Variants in PTPRT observed in about 807,000 individuals in gnomAD.
PTPRT encodes receptor-type tyrosine-protein phosphatase T.
A neutral mutation model predicts 176.8 loss-of-function variants in PTPRT; 56 were observed. That is an observed-to-expected ratio of 0.32 (90% CI 0.26 to 0.40). The LOEUF is 0.40. PTPRT is among the 10% of genes least tolerant of loss of function. The probability of loss-of-function intolerance (pLI) is 1.00; values close to 1 mark genes in which losing one functional copy is unlikely to be tolerated. For synonymous variants in PTPRT, 783 were observed against 739.0 expected, an observed-to-expected ratio of 1.06 and a Z score of -0.96; for missense variants, 1,540 against 1,908.2, an observed-to-expected ratio of 0.81 and a Z score of 3.60.
chr20:43,151,388 A>T (rs1464271077), intron 1 of PTPRT, among the ~76,000 whole-genome samples: 1 of 151,650 alleles, frequency 6.6e-6, no homozygotes, highest in Middle Eastern at 3.2e-3. Flanking sequence ...GAGAGTTAAT[A>T]AAGAGGTGGG....
At position 42,893,469 on chromosome 20, in the gene PTPRT, T is replaced by C. The variant is rs1478786239; in HGVS notation, c.89-7537A>G. On this transcript the variant is annotated intron_variant, in intron 1 of 30. Transcript: ENST00000373187. ...TCAGTGTGGCGATTCCTCAGGGATC[T>C]AGAACTAGAAATACCATTTGACCCA... Among the ~76,000 whole-genome samples the C allele has an allele frequency of 4.8e-3, 733 of 151,412 alleles. 7 individuals are homozygous for C. Among genetic ancestry groups the C allele is most frequent in the African/African-American group, 0.017 (718 of 41,252 alleles).
intron 7 of PTPRT, among the ~76,000 whole-genome samples, chr20:42,569,521 A>T (rs189109456): frequency 6.6e-6 from 1 of 152,160 alleles, no homozygotes. Context: ...TATCACGTGA[A>T]TATCAGCCAA....
At chr20:42,697,994 T>A (rs969143354) in intron 6 of PTPRT, among the ~76,000 whole-genome samples, 5 of 152,316 alleles carry the variant, frequency 3.3e-5, no homozygotes, top group African/African-American at 1.2e-4. Context: ...AGTATTAACT[T>A]TTTTTAAAAA....
chr20:42,935,993 C>T (rs1980163020), intron 1 of PTPRT, among the ~76,000 whole-genome samples: 1 of 152,204 alleles, frequency 6.6e-6, no homozygotes, highest in Non-Finnish European at 1.5e-5. Context: ...GGTAATCTGC[C>T]TACCTTGGCC....
At chr20:42,181,459 G>A (rs1990522787) in intron 16 of PTPRT, among the ~76,000 whole-genome samples, 1 of 152,158 alleles carries the variant, frequency 6.6e-6, no homozygotes, top group Admixed American at 6.5e-5. Flanking sequence ...AAGAAATGGA[G>A]GTGCAAAGTG....
chr20:42,878,041 T>C (rs947153712), intron 2 of PTPRT, among the ~76,000 whole-genome samples: 2 of 152,232 alleles, frequency 1.3e-5, no homozygotes, highest in East Asian at 1.9e-4. Flanking sequence ...TCAAAGATAA[T>C]ACACAACCAT....
At chr20:43,178,787 A>C (rs2015181075) in intron 1 of PTPRT, among the ~76,000 whole-genome samples, 1 of 152,170 alleles carries the variant, frequency 6.6e-6, no homozygotes. Flanking sequence ...GCAAGACTGA[A>C]GGGGACAGGT....
At chr20:42,309,174 C>T (rs1034695363) in intron 12 of PTPRT, among the ~76,000 whole-genome samples, 1 of 152,222 alleles carries the variant, frequency 6.6e-6, no homozygotes, top group Non-Finnish European at 1.5e-5. Flanking sequence ...CATTGCCCAA[C>T]AAAAGGTGGC....
At chr20:42,345,582 ATGTGTGTGTGTGTGTG>A (rs56310086) in intron 11 of PTPRT, among the ~76,000 whole-genome samples, 1 of 94,644 alleles carries the variant, frequency 1.1e-5, no homozygotes, top group Non-Finnish European at 2.4e-5. Flanking sequence ...ATACATATAT[ATGTGTGTGTGTGTGTG>A]TGTGTGTGTG....
chr20:43,072,589 T>C (rs543641964), intron 1 of PTPRT, among the ~76,000 whole-genome samples: 1 of 152,336 alleles, frequency 6.6e-6, no homozygotes, highest in African/African-American at 2.4e-5. Flanking sequence ...AACCCAGTGC[T>C]AGCTGCTTGC....
chr20:42,617,750 A>T (rs908083570), intron 7 of PTPRT, among the ~76,000 whole-genome samples: 1 of 138,826 alleles, frequency 7.2e-6, no homozygotes, highest in Non-Finnish European at 1.5e-5. Flanking sequence ...GTACTCTCTG[A>T]TAGTAGTTTG....
At chr20:42,498,935 C>T (rs1281468172) in intron 7 of PTPRT, among the ~76,000 whole-genome samples, 1 of 152,144 alleles carries the variant, frequency 6.6e-6, no homozygotes, top group Non-Finnish European at 1.5e-5. Context: ...CTTCTGTCTT[C>T]CTAAAATGTA....
chr20:42,944,207 T>C (rs1980740887), intron 1 of PTPRT, among the ~76,000 whole-genome samples: 1 of 151,952 alleles, frequency 6.6e-6, no homozygotes, highest in African/African-American at 2.4e-5. Context: ...AGAGAAAACA[T>C]CACAGTTTAG....
At chr20:42,707,321 C>T (rs1470507153) in intron 6 of PTPRT, among the ~76,000 whole-genome samples, 1 of 152,032 alleles carries the variant, frequency 6.6e-6, no homozygotes, top group Non-Finnish European at 1.5e-5. Context: ...CCTGTATAAT[C>T]CTTGGGAGCA....
intron 5 of PTPRT, among the ~76,000 whole-genome samples, chr20:42,770,347 G>A (rs1434595910): frequency 2.0e-5 from 3 of 152,298 alleles, no homozygotes; most frequent in South Asian, 2.1e-4. Context: ...TGTAGTTAGT[G>A]GTTCCTGCAC....
rs536000495 is a variant in PTPRT at position 42,374,075 on chromosome 20, C to A, written c.1561-21790G>T. ...AACAGGTGCAAGTCAGCACCTCTAA[C>A]CCCTAACATCTAAATAAAAAAGCAA... is the stretch of plus-strand genomic sequence containing the variant. On this transcript the variant is annotated intron_variant, in intron 9 of 30. Coordinates refer to ENST00000373187, the MANE Select transcript of PTPRT (RefSeq NM_007050.6). Among the ~76,000 whole-genome samples, 9 of 152,302 alleles carry A rather than the reference C, an allele frequency of 5.9e-5. No individual in the cohort carries two copies. The South Asian group carries it at 1.5e-3, about 25-fold the overall frequency.
intron 7 of PTPRT, among the ~76,000 whole-genome samples, chr20:42,598,591 G>C (rs1012207388): frequency 5.3e-5 from 8 of 151,782 alleles, no homozygotes; most frequent in Non-Finnish European, 1.2e-4. Flanking sequence ...TATTTTAGCT[G>C]TTTTCTGCAT....
chr20:42,951,025 A>G (rs547340547), intron 1 of PTPRT, among the ~76,000 whole-genome samples: 2 of 152,370 alleles, frequency 1.3e-5, no homozygotes, highest in African/African-American at 4.8e-5. Context: ...CTGACCTAAC[A>G]GCACTAAATG....
At chr20:42,997,788 T>C (rs2206455) in intron 1 of PTPRT, among the ~76,000 whole-genome samples, 59,119 of 151,970 alleles carry the variant, frequency 0.39, 13,474 homozygotes, top group African/African-American at 0.65. Flanking sequence ...TCAGTAACTT[T>C]CCAAAGTCAC....
Sources: gnomAD v4.1 joint callset for allele counts (sites outside exome capture counted in the v4.1 genomes callset) on GRCh38, gnomAD v4.1.1 for gene constraint, MANE v1.5 for transcripts, NCBI Gene and HGNC (gene_info 2026-07-23, HGNC 2026-07-21) for gene names.